SFMBT1: variants seen among roughly 807,000 people sequenced by gnomAD.
SFMBT1 encodes the protein Scm like with four mbt domains 1, also known as scm-like with four MBT domains protein 1.
Under a neutral mutation model 108.7 loss-of-function variants are expected in SFMBT1, and 32 were observed. The ratio of observed to expected loss-of-function variants is 0.29; its 90% confidence interval spans 0.22 to 0.40. The LOEUF (loss-of-function observed/expected upper bound fraction) is 0.40, where lower values mean the gene tolerates loss of function less well. Among genes scored for constraint, SFMBT1 ranks in the 10% least tolerant of loss-of-function variants. SFMBT1 has a pLI of 1.00. For missense variants in SFMBT1, 816 were observed against 1,059.6 expected (o/e 0.77, Z 3.19); for synonymous variants, 348 against 369.5 (o/e 0.94, Z 0.67).
intron 1 of SFMBT1, among the ~76,000 whole-genome samples, chr3:53,032,527 G>A (rs1699722304): frequency 6.6e-6 from 1 of 152,184 alleles, no homozygotes; most frequent in African/African-American, 2.4e-5. Flanking sequence ...ACGATGGAAA[G>A]CCACTGGCAG....
chr3:52,909,186 G>A lies in SFMBT1; in HGVS notation c.1907-1453C>T, dbSNP rs531469584. Reference sequence around the variant, plus strand: ...TTATAACTGTCCTTCTAAATTCTAGGCTAATTTCAACTATATTATTGTGAA... The same window carrying A: ...TTATAACTGTCCTTCTAAATTCTAGACTAATTTCAACTATATTATTGTGAA... On this transcript the variant is annotated intron_variant, in intron 17 of 20. Transcript: ENST00000394752. 2.8e-4 allele frequency among the ~76,000 whole-genome samples: 42 copies of A among 152,236 alleles called. No individual in the cohort carries two copies. In the South Asian group the frequency reaches 5.0e-3, roughly 18 times the overall value.
At chr3:53,019,617 A>G (rs1575442806) in intron 1 of SFMBT1, among the ~76,000 whole-genome samples, 1 of 152,294 alleles carries the variant, frequency 6.6e-6, no homozygotes, top group South Asian at 2.1e-4. Flanking sequence ...CCTGTCCATG[A>G]GCAAGTCCTA....
At chr3:52,990,208 T>C (rs1705075977) in intron 1 of SFMBT1, among the ~76,000 whole-genome samples, 3 of 152,314 alleles carry the variant, frequency 2.0e-5, no homozygotes, top group Admixed American at 1.3e-4. Context: ...CCGAAGTCAT[T>C]AAAAGGTTTT....
At chr3:52,958,635 G>T (rs780202206) in intron 2 of SFMBT1, among the ~76,000 whole-genome samples, 12 of 152,146 alleles carry the variant, frequency 7.9e-5, no homozygotes, top group Non-Finnish European at 1.8e-4. Flanking sequence ...AACAGATGCT[G>T]TTGAGGCTGC....
chr3:53,033,067 G>A (rs1179041231), intron 1 of SFMBT1, among the ~76,000 whole-genome samples: 1 of 152,150 alleles, frequency 6.6e-6, no homozygotes, highest in Non-Finnish European at 1.5e-5. Context: ...CAGTGCTCTG[G>A]GAAGCTGAGG....
chr3:53,018,072 A>C (rs1045275089), intron 1 of SFMBT1: 1 of 152,124 alleles, frequency 6.6e-6, no homozygotes, highest in Non-Finnish European at 1.5e-5. Flanking sequence ...CTCTACTAAA[A>C]ATACAAAAAT....
At chr3:52,944,770 C>T (rs1194623094) in intron 3 of SFMBT1, among the ~76,000 whole-genome samples, 1 of 152,108 alleles carries the variant, frequency 6.6e-6, no homozygotes, top group Non-Finnish European at 1.5e-5. Context: ...ATCCACCCAC[C>T]TCAGCCTCCC....
In SFMBT1 at chr3:52,912,551, C is replaced by T. The variant is rs772079939; in HGVS notation, c.1717G>A (p.Val573Ile). The change falls in exon 16 of 21, where the codon GTC (valine) becomes ATC (isoleucine). Residue 573 changes from valine (V) to isoleucine (I), a missense_variant. Physicochemically the swap from Val to Ile is conservative, Grantham distance 29. Around this residue, in one of 5 missense-constraint regions of SFMBT1, gnomAD observed 79 missense variants for 120.8 expected, o/e 0.65. Transcript: ENST00000394752. ...TAGTCCACTCACTTGGCTTTTAGGACTTCCCCACATCCGTGCCACACAGAG... is the reference window on the plus strand; with the variant it reads ...TAGTCCACTCACTTGGCTTTTAGGATTTCCCCACATCCGTGCCACACAGAG... ...KDSVWHGCGE[V>I]LKAKYKGKSY... 129 of 1,613,982 alleles carry T rather than the reference C, an allele frequency of 8.0e-5. No homozygotes were observed. Among genetic ancestry groups the T allele is most frequent in the Non-Finnish European group, 9.5e-5 (112 of 1,179,956 alleles).
chr3:52,972,249 T>G (rs34933390), intron 1 of SFMBT1, among the ~76,000 whole-genome samples: 14,365 of 152,194 alleles, frequency 0.094, 699 homozygotes, highest in African/African-American at 0.11. Context: ...CAAAAGGCAT[T>G]AAGTGGAGAG....
At chr3:52,923,165 A>C (rs1053698290) in intron 10 of SFMBT1, among the ~76,000 whole-genome samples, 2 of 152,256 alleles carry the variant, frequency 1.3e-5, no homozygotes, top group African/African-American at 4.8e-5. Flanking sequence ...AGCAACTTGG[A>C]AAAAGCAGTG....
intron 2 of SFMBT1, among the ~76,000 whole-genome samples, chr3:52,961,900 AATG>A (rs1703970530): frequency 6.6e-6 from 1 of 152,242 alleles, no homozygotes; most frequent in Non-Finnish European, 1.5e-5. Context: ...TAACAATTAA[AATG>A]ATGAATCACT....
At chr3:52,933,309 C>CACA (rs1702914401) in intron 5 of SFMBT1, among the ~76,000 whole-genome samples, 1 of 152,056 alleles carries the variant, frequency 6.6e-6, no homozygotes, top group Non-Finnish European at 1.5e-5. Flanking sequence ...TTATTGATGT[C>CACA]ACAACAATGT....
intron 1 of SFMBT1, among the ~76,000 whole-genome samples, chr3:53,024,658 G>A (rs952552446): frequency 6.6e-6 from 1 of 152,144 alleles, no homozygotes; most frequent in South Asian, 2.1e-4. Flanking sequence ...CTGAATGATC[G>A]CTGGGACCAA....
At position 52,904,980 on chromosome 3, in the gene SFMBT1, C is replaced by T. The variant is rs1702028569; in HGVS notation, c.*156G>A. 2 of 957,176 alleles carry T rather than the reference C, an allele frequency of 2.1e-6. No individual in the cohort carries two copies. The highest frequency in any genetic ancestry group is 2.0e-5 in the South Asian group (1 of 50,292). The allele number at this position is 957,176 out of a possible 1,614,324, so 59.3% of individuals were successfully genotyped here. A position where few individuals can be genotyped will look rare whatever the true frequency, so the allele number is the denominator to read the frequency against. ...CACTTCTGTGCACAGTTTTTGCTTCCTCACTGTGAGTCCTCCTTCCCCGAA... is the reference window on the plus strand; with the variant it reads ...CACTTCTGTGCACAGTTTTTGCTTCTTCACTGTGAGTCCTCCTTCCCCGAA... On this transcript the variant is annotated 3_prime_UTR_variant, in exon 21 of 21. Transcript: ENST00000394752.
chr3:53,018,029 G>C (rs920756980), intron 1 of SFMBT1: 1 of 152,230 alleles, frequency 6.6e-6, no homozygotes, highest in East Asian at 1.9e-4. Context: ...TCAGGAGATC[G>C]AGACTATCCT....
intron 11 of SFMBT1, among the ~76,000 whole-genome samples, chr3:52,921,206 C>A (rs1702510080): frequency 6.6e-6 from 1 of 152,310 alleles, no homozygotes; most frequent in African/African-American, 2.4e-5. Flanking sequence ...GACTATTTGG[C>A]AGCAGGATAA....
chr3:52,955,864 T>C (rs183280651), intron 2 of SFMBT1, among the ~76,000 whole-genome samples: 1 of 152,192 alleles, frequency 6.6e-6, no homozygotes, highest in African/African-American at 2.4e-5. Context: ...GAGGCCAGCA[T>C]CATCCTGATA....
intron 1 of SFMBT1, among the ~76,000 whole-genome samples, chr3:53,012,434 G>A (rs543463990): frequency 2.0e-5 from 3 of 150,638 alleles, no homozygotes; most frequent in South Asian, 2.1e-4. Flanking sequence ...ACGGAGTCTC[G>A]CTCTGTCGCC....
At chr3:52,928,627 C>CATATATATATACAT (rs1183172752) in intron 8 of SFMBT1, 1 of 8,376 alleles carries the variant, frequency 1.2e-4, no homozygotes, top group African/African-American at 1.6e-4. Context: ...TACATATATA[C>CATATATATATACAT]ATATATATAC....
Sources: allele counts gnomAD v4.1 joint callset (sites outside exome capture counted in the v4.1 genomes callset), GRCh38; gene constraint gnomAD v4.1.1; regional missense constraint gnomAD v4.1.1; transcripts MANE v1.5; gene names NCBI Gene and HGNC (gene_info 2026-07-23, HGNC 2026-07-21).